Variants in UQCC1 observed in about 807,000 individuals in gnomAD.
The protein encoded by UQCC1 is bFGF-repressed Zic-binding protein.
A neutral mutation model predicts 48.0 loss-of-function variants in UQCC1; 38 were observed. That is an observed-to-expected ratio of 0.79 (90% CI 0.61 to 1.04). The LOEUF is 1.04. Among genes scored for constraint, UQCC1 ranks in the 50% least tolerant of loss-of-function variants. The pLI is 0.00. For missense variants in UQCC1, 368 were observed against 381.8 expected (o/e 0.96, Z 0.30); for synonymous variants, 111 against 129.2 (o/e 0.86, Z 0.95).
intron 2 of UQCC1, chr20:35,386,248 T>C (rs6141549): frequency 0.56 from 213,051 of 382,838 alleles, 61,912 homozygotes; most frequent in East Asian, 0.72. Flanking sequence ...AAAAATCTAG[T>C]TTCCAAACTC....
rs184843754 is a variant in UQCC1, at chr20:35,314,756, A to G, written c.583T>C (p.Tyr195His). ...QRGRVMGVNP[Y>H]ILKKNMILMT... Reference sequence around the variant, plus strand: ...AGGATCATGTTCTTCTTCAGGATATAGGGATTAACCTACAGAAACAAATGG... The same window carrying G: ...AGGATCATGTTCTTCTTCAGGATATGGGGATTAACCTACAGAAACAAATGG... The change falls in exon 8 of 10, where the codon TAT (tyrosine) becomes CAT (histidine). Residue 195 changes from tyrosine (Y) to histidine (H), a missense_variant. Coordinates refer to ENST00000374385, the MANE Select transcript of UQCC1 (RefSeq NM_018244.5). The G allele has an allele frequency of 1.2e-5, 20 of 1,602,022 alleles. No individual in the cohort carries two copies. The East Asian group carries it at 4.3e-4, about 34-fold the overall frequency.
rs2062016264 is a variant in UQCC1 at position 35,391,673 on chromosome 20, TAAG to T, written c.129+2416_129+2418del. Among the ~76,000 whole-genome samples the T allele has an allele frequency of 2.0e-5, 3 of 150,980 alleles. No homozygotes were observed. The South Asian group carries it at 6.3e-4, about 32-fold the overall frequency. On this transcript the variant is annotated intron_variant, in intron 2 of 9. Coordinates refer to ENST00000374385, the MANE Select transcript of UQCC1 (RefSeq NM_018244.5). ...GAAAATTTAACAGATTGGAGACGAC[TAAG>T]AATATATGACAACTGGATTTGTTAT...
At chr20:35,305,395 G>A (rs1013933206) in intron 9 of UQCC1, among the ~76,000 whole-genome samples, 4 of 152,154 alleles carry the variant, frequency 2.6e-5, no homozygotes, top group Admixed American at 6.5e-5. Flanking sequence ...GAGGGCCCTC[G>A]GAGAAGTCCC....
chr20:35,386,789 A>G (rs563341465), intron 2 of UQCC1, among the ~76,000 whole-genome samples: 1 of 151,798 alleles, frequency 6.6e-6, no homozygotes, highest in African/African-American at 2.4e-5. Context: ...TCCTACCATT[A>G]GCTAACATTT....
chr20:35,385,808 G>T (rs1372009284), intron 2 of UQCC1, among the ~76,000 whole-genome samples: 1 of 151,590 alleles, frequency 6.6e-6, no homozygotes, highest in African/African-American at 2.4e-5. Context: ...GCATGAGCCT[G>T]GGTGCCTGGC....
chr20:35,404,341 GC>G (rs2062216049), intron 1 of UQCC1, among the ~76,000 whole-genome samples: 2 of 148,754 alleles, frequency 1.3e-5, no homozygotes, highest in African/African-American at 5.0e-5. Context: ...CTGCACTCCA[GC>G]CTGGGTGACA....
intron 6 of UQCC1, among the ~76,000 whole-genome samples, chr20:35,352,991 T>A (rs2061506341): frequency 6.6e-6 from 1 of 152,154 alleles, no homozygotes; most frequent in Non-Finnish European, 1.5e-5. Flanking sequence ...TATGTCTTAA[T>A]TTTTAACAAA....
chr20:35,349,823 C>G (rs1387799597), intron 6 of UQCC1, among the ~76,000 whole-genome samples: 1 of 152,046 alleles, frequency 6.6e-6, no homozygotes, highest in Non-Finnish European at 1.5e-5. Context: ...ACAGTTGGAC[C>G]CCGATTCTAC....
At chr20:35,373,193 C>G (rs1486332905) in intron 5 of UQCC1, among the ~76,000 whole-genome samples, 1 of 152,166 alleles carries the variant, frequency 6.6e-6, no homozygotes, top group Non-Finnish European at 1.5e-5. Context: ...CTGCTTCTGA[C>G]AGTCTAAACC....
chr20:35,305,102 C>G (rs1442807012), intron 9 of UQCC1, among the ~76,000 whole-genome samples: 4 of 152,242 alleles, frequency 2.6e-5, no homozygotes, highest in African/African-American at 9.6e-5. Flanking sequence ...ACTCTGCCCT[C>G]CCTGTATCAC....
intron 7 of UQCC1, among the ~76,000 whole-genome samples, chr20:35,316,515 C>T (rs563713623): frequency 6.6e-6 from 1 of 152,302 alleles, no homozygotes; most frequent in South Asian, 2.1e-4. Context: ...TATCCTGTGG[C>T]TCATAACTAG....
intron 7 of UQCC1, among the ~76,000 whole-genome samples, chr20:35,326,924 G>T (rs575978874): frequency 6.6e-6 from 1 of 152,306 alleles, no homozygotes; most frequent in Admixed American, 6.5e-5. Flanking sequence ...TCAGTTCTTT[G>T]CTAATAGAGC....
At chr20:35,394,558 C>G (rs771965252) in intron 1 of UQCC1, among the ~76,000 whole-genome samples, 1 of 152,072 alleles carries the variant, frequency 6.6e-6, no homozygotes, top group Admixed American at 6.5e-5. Flanking sequence ...ATCACTGGTA[C>G]CCAGTGATTT....
Position 35,303,714 on chromosome 20 carries a change from G to A in UQCC1, c.*221C>T, listed in dbSNP as rs2060895647. 1 of 601,326 alleles carries A rather than the reference G, an allele frequency of 1.7e-6. No individual in the cohort carries two copies. Among genetic ancestry groups the A allele is most frequent in the African/African-American group, 1.9e-5 (1 of 54,028 alleles). The allele number at this position is 601,326 out of a possible 1,614,324, so 37.2% of individuals were successfully genotyped here. On this transcript the variant is annotated 3_prime_UTR_variant, in exon 10 of 10. Coordinates refer to ENST00000374385, the MANE Select transcript of UQCC1 (RefSeq NM_018244.5). ...ACTCGGGGCTTCCCCTAAGGGAGAGGACACCCCGGGAGAGCTAGGGGTTCT... is the reference window on the plus strand; with the variant it reads ...ACTCGGGGCTTCCCCTAAGGGAGAGAACACCCCGGGAGAGCTAGGGGTTCT...
intron 8 of UQCC1, among the ~76,000 whole-genome samples, chr20:35,307,884 G>A (rs552570869): frequency 3.9e-5 from 6 of 152,344 alleles, no homozygotes; most frequent in Admixed American, 6.5e-5. Flanking sequence ...CACAGAGTTC[G>A]AATGCCAGCT....
At chr20:35,341,881 C>T (rs1261673900) in intron 7 of UQCC1, among the ~76,000 whole-genome samples, 1 of 152,130 alleles carries the variant, frequency 6.6e-6, no homozygotes, top group Non-Finnish European at 1.5e-5. Context: ...TGAGTGCTTA[C>T]TAAGTGCCAG....
rs531588979 is a variant in UQCC1 at position 35,410,439 on chromosome 20, G to A, written c.24+1501C>T. Among the ~76,000 whole-genome samples the A allele has an allele frequency of 3.3e-5, 5 of 151,494 alleles. No individual in the cohort carries two copies. In the East Asian group the frequency reaches 7.9e-4, roughly 24 times the overall value. ...CCCAGCTACTTGGGAGGCTGAAGCA[G>A]GAGAACTGCTTGAACCCAGGAGGCA... On this transcript the variant is annotated intron_variant, in intron 1 of 9. Coordinates refer to ENST00000374385, the MANE Select transcript of UQCC1 (RefSeq NM_018244.5).
intron 7 of UQCC1, among the ~76,000 whole-genome samples, chr20:35,317,822 TTTC>T (rs1284528829): frequency 6.6e-6 from 1 of 152,228 alleles, no homozygotes; most frequent in African/African-American, 2.4e-5. Flanking sequence ...TTTAGGGGAT[TTTC>T]TTCTTCTTCG....
intron 7 of UQCC1, among the ~76,000 whole-genome samples, chr20:35,330,896 T>A (rs893449402): frequency 5.3e-5 from 8 of 152,136 alleles, no homozygotes; most frequent in African/African-American, 1.9e-4. Flanking sequence ...ACTCCACTCT[T>A]GTAGCTCCAA....
Sources: allele counts gnomAD v4.1 joint callset (sites outside exome capture counted in the v4.1 genomes callset), GRCh38; gene constraint gnomAD v4.1.1; transcripts MANE v1.5; gene names NCBI Gene and HGNC (gene_info 2026-07-23, HGNC 2026-07-21).